Variants in PPM1A observed in about 807,000 individuals in gnomAD.
The protein encoded by PPM1A is protein phosphatase 1A.
PPM1A carries 7 observed loss-of-function variants against 35.0 expected under a neutral mutation model. That is an observed-to-expected ratio of 0.20 (90% CI 0.11 to 0.38). The LOEUF (loss-of-function observed/expected upper bound fraction) is 0.38. PPM1A is among the 10% of genes least tolerant of loss of function. PPM1A has a pLI of 1.00. For synonymous variants in PPM1A, 153 were observed against 167.3 expected, an observed-to-expected ratio of 0.91 and a Z score of 0.66; for missense variants, 239 against 467.8, an observed-to-expected ratio of 0.51 and a Z score of 4.51.
intron 3 of PPM1A, chr14:60,287,604 G>A: frequency 2.0e-6 from 2 of 984,998 alleles, no homozygotes; most frequent in Non-Finnish European, 2.4e-6. Flanking sequence ...CTAGATTGCT[G>A]TGACCTACTA....
At chr14:60,284,082 T>C (rs993824854) in intron 2 of PPM1A, among the ~76,000 whole-genome samples, 2 of 152,242 alleles carry the variant, frequency 1.3e-5, no homozygotes, top group African/African-American at 4.8e-5. Flanking sequence ...ATTTAAACTC[T>C]AATCAGTTTT....
intron 1 of PPM1A, among the ~76,000 whole-genome samples, chr14:60,252,456 C>T (rs1882541635): frequency 6.6e-6 from 1 of 152,062 alleles, no homozygotes. Context: ...AAATTGGCCA[C>T]GGCAGGGTTT....
intron 1 of PPM1A, among the ~76,000 whole-genome samples, chr14:60,266,872 G>A (rs116938873): frequency 0.012 from 1,827 of 152,174 alleles, 44 homozygotes; most frequent in East Asian, 0.09. Flanking sequence ...TTAAATAAAG[G>A]GAGGATAACC....
intron 1 of PPM1A, among the ~76,000 whole-genome samples, chr14:60,266,600 T>G (rs756316717): frequency 2.0e-5 from 3 of 152,178 alleles, no homozygotes; most frequent in Non-Finnish European, 4.4e-5. Flanking sequence ...AGATCAGCTT[T>G]CAGGCACCCA....
At chr14:60,253,145 T>A (rs1210410001) in intron 1 of PPM1A, among the ~76,000 whole-genome samples, 1 of 152,120 alleles carries the variant, frequency 6.6e-6, no homozygotes, top group African/African-American at 2.4e-5. Flanking sequence ...GGATCTTGAG[T>A]TTTTATAATT....
intron 1 of PPM1A, among the ~76,000 whole-genome samples, chr14:60,278,407 C>G (rs1886012364): frequency 6.6e-6 from 1 of 150,944 alleles, no homozygotes; most frequent in African/African-American, 2.4e-5. Flanking sequence ...TTAGATGAAC[C>G]AAAGGAAAGC....
chr14:60,258,432 G>A (rs1883382351), intron 1 of PPM1A, among the ~76,000 whole-genome samples: 2 of 152,114 alleles, frequency 1.3e-5, no homozygotes, highest in Non-Finnish European at 2.9e-5. Context: ...GAAAGAAAAT[G>A]TGTGGGCTTT....
At chr14:60,290,165 G>C (rs1887482505) in intron 4 of PPM1A, among the ~76,000 whole-genome samples, 1 of 152,092 alleles carries the variant, frequency 6.6e-6, no homozygotes, top group South Asian at 2.1e-4. Flanking sequence ...TCCTCATAGA[G>C]CATAAACGAG....
intron 1 of PPM1A, among the ~76,000 whole-genome samples, chr14:60,281,716 G>T (rs1055549986): frequency 6.6e-6 from 1 of 152,168 alleles, no homozygotes; most frequent in Admixed American, 6.5e-5. Flanking sequence ...CTGTCTCTTT[G>T]CCTTGTGTGG....
At chr14:60,271,917 A>C (rs1885178371) in intron 1 of PPM1A, among the ~76,000 whole-genome samples, 2 of 152,228 alleles carry the variant, frequency 1.3e-5, no homozygotes, top group African/African-American at 4.8e-5. Context: ...GGTAATTGAC[A>C]AATAATCAAG....
At chr14:60,279,614 A>G (rs1886156344) in intron 1 of PPM1A, among the ~76,000 whole-genome samples, 2 of 152,170 alleles carry the variant, frequency 1.3e-5, no homozygotes, top group South Asian at 2.1e-4. Flanking sequence ...GCCAGTTGCA[A>G]TTCAGAGTGG....
intron 3 of PPM1A, chr14:60,286,806 T>TA: frequency 1.0e-6 from 1 of 983,414 alleles, no homozygotes; most frequent in Non-Finnish European, 1.2e-6. Context: ...CGCCACTTGA[T>TA]AGTCATACAT....
intron 2 of PPM1A, among the ~76,000 whole-genome samples, chr14:60,284,362 C>CTCA (rs1420607610): frequency 1.3e-5 from 2 of 152,164 alleles, no homozygotes; most frequent in Non-Finnish European, 2.9e-5. Flanking sequence ...AAGACTGTTG[C>CTCA]CGGGCGCGGT....
intron 2 of PPM1A, among the ~76,000 whole-genome samples, chr14:60,285,095 TTAGG>T (rs1464711894): frequency 1.3e-5 from 2 of 152,190 alleles, no homozygotes; most frequent in African/African-American, 4.8e-5. Flanking sequence ...TTTATAAACC[TTAGG>T]TAGTTTTACC....
intron 1 of PPM1A, chr14:60,250,586 G>A: frequency 4.6e-6 from 1 of 217,772 alleles, no homozygotes; most frequent in Non-Finnish European, 7.8e-6. Flanking sequence ...CTCCCCGCAA[G>A]TTTCCTGCTC....
At chr14:60,284,240 A>G (rs1886701416) in intron 2 of PPM1A, among the ~76,000 whole-genome samples, 1 of 152,238 alleles carries the variant, frequency 6.6e-6, no homozygotes, top group Non-Finnish European at 1.5e-5. Flanking sequence ...TACAAACTTA[A>G]GAGTCAGACA....
At chr14:60,261,979 A>G (rs1595286522) in intron 1 of PPM1A, among the ~76,000 whole-genome samples, 1 of 152,334 alleles carries the variant, frequency 6.6e-6, no homozygotes, top group East Asian at 1.9e-4. Flanking sequence ...ATGATTATAT[A>G]TTTTAAATTC....
intron 1 of PPM1A, among the ~76,000 whole-genome samples, chr14:60,281,072 A>G (rs1475106406): frequency 6.6e-6 from 1 of 152,190 alleles, no homozygotes; most frequent in Non-Finnish European, 1.5e-5. Context: ...AAGAGATTAA[A>G]TGAAGTAATG....
At chr14:60,265,800 C>G (rs531833678) in intron 1 of PPM1A, among the ~76,000 whole-genome samples, 1 of 152,066 alleles carries the variant, frequency 6.6e-6, no homozygotes, top group Non-Finnish European at 1.5e-5. Flanking sequence ...GGGCCAGACT[C>G]GATTTTACCA....
Sources: gnomAD v4.1 joint callset for allele counts (sites outside exome capture counted in the v4.1 genomes callset) on GRCh38, gnomAD v4.1.1 for gene constraint, MANE v1.5 for transcripts, NCBI Gene and HGNC (gene_info 2026-07-23, HGNC 2026-07-21) for gene names.